The following TPH2 variants were observed in gnomAD, a reference collection of about 807,000 sequenced individuals.
The protein encoded by TPH2 is tryptophan hydroxylase 2.
Under a neutral mutation model 59.1 loss-of-function variants are expected in TPH2, and 27 were observed. That is an observed-to-expected ratio of 0.46 (90% CI 0.34 to 0.63). The LOEUF is 0.63. Ranked by LOEUF, TPH2 falls within the 30% of genes least tolerant of loss-of-function variation. The pLI is 0.01. For missense variants in TPH2, 523 were observed against 588.3 expected (o/e 0.89, Z 1.15); for synonymous variants, 220 against 210.5 (o/e 1.05, Z -0.39).
In TPH2 at chr12:71,979,043, C is replaced by T; in HGVS notation, c.897C>T (p.Thr299=). 2 of 1,614,116 alleles carry T rather than the reference C, an allele frequency of 1.2e-6. No homozygotes were observed. Among genetic ancestry groups the T allele is most frequent in the African/African-American group, 1.3e-5 (1 of 75,030 alleles). ...AGLAYRVFHC[T]QYIRHGSDPL... ...TGGCCTACAGAGTGTTCCACTGTAC[C>T]CAGTACATCCGGCATGGCTCAGATC... The change falls in exon 7 of 11, where the codon ACC becomes ACT. Residue 299 remains threonine, a synonymous_variant. Coordinates refer to ENST00000333850, the MANE Select transcript of TPH2 (RefSeq NM_173353.4).
chr12:71,958,952 T>G (rs958877582), intron 5 of TPH2, among the ~76,000 whole-genome samples: 1 of 152,206 alleles, frequency 6.6e-6, no homozygotes, highest in Non-Finnish European at 1.5e-5. Flanking sequence ...TCAATTTGGG[T>G]GAGCTTGTGA....
intron 7 of TPH2, among the ~76,000 whole-genome samples, chr12:71,992,522 T>G (rs906875162): frequency 1.3e-5 from 2 of 151,866 alleles, no homozygotes; most frequent in Non-Finnish European, 2.9e-5. Context: ...GAGGATCGCT[T>G]GAGCCCAGGA....
chr12:72,026,607 A>T (rs1486371192), intron 9 of TPH2, among the ~76,000 whole-genome samples: 1 of 152,130 alleles, frequency 6.6e-6, no homozygotes, highest in Non-Finnish European at 1.5e-5. Context: ...CCCTGTTCAG[A>T]TGACTTTCGA....
chr12:72,023,311 A>C (rs1873473923), intron 9 of TPH2, among the ~76,000 whole-genome samples: 8 of 152,176 alleles, frequency 5.3e-5, no homozygotes. Context: ...TATTTTGAGC[A>C]TTGATTATCC....
At chr12:72,011,689 T>C (rs1292105307) in intron 8 of TPH2, among the ~76,000 whole-genome samples, 1 of 152,162 alleles carries the variant, frequency 6.6e-6, no homozygotes, top group Non-Finnish European at 1.5e-5. Context: ...TCAGAATCAA[T>C]GGGTCTTCAG....
chr12:72,018,677 G>A (rs1362952186), intron 8 of TPH2, among the ~76,000 whole-genome samples: 1 of 152,196 alleles, frequency 6.6e-6, no homozygotes, highest in Non-Finnish European at 1.5e-5. Flanking sequence ...TCAATGTTAA[G>A]GCTCCAAGGA....
At position 72,028,806 on chromosome 12, in the gene TPH2, A is replaced by T. The variant is rs143564961; in HGVS notation, c.1165-2452A>T. On this transcript the variant is annotated intron_variant, in intron 9 of 10. Coordinates refer to ENST00000333850, the MANE Select transcript of TPH2 (RefSeq NM_173353.4). ...CCTGAGGGTAGGCTGCGTTTTTGAG[A>T]ACTTAAGACAATTAACTTCCAGTTT... Among the ~76,000 whole-genome samples, 241 of 152,224 alleles carry T rather than the reference A, an allele frequency of 1.6e-3. 4 individuals carry two copies. In the East Asian group the frequency reaches 0.018, roughly 11 times the overall value.
intron 8 of TPH2, among the ~76,000 whole-genome samples, chr12:72,010,010 G>A (rs1461843088): frequency 6.6e-6 from 1 of 152,164 alleles, no homozygotes; most frequent in African/African-American, 2.4e-5. Flanking sequence ...TGAAATGGGG[G>A]ATTTAGCACT....
At position 71,956,468 on chromosome 12, in the gene TPH2, C is replaced by A. The variant is rs190105825; in HGVS notation, c.608+6813C>A. On this transcript the variant is annotated intron_variant, in intron 5 of 10. Coordinates refer to ENST00000333850, the MANE Select transcript of TPH2 (RefSeq NM_173353.4). Reference sequence around the variant, plus strand: ...CCTTCCTCCCTTTCTTCCTTCCTTCCTTCCCTCCTTCCCTCCTTCCCTCCT... The same window carrying A: ...CCTTCCTCCCTTTCTTCCTTCCTTCATTCCCTCCTTCCCTCCTTCCCTCCT... 4.7e-3 allele frequency among the ~76,000 whole-genome samples: 548 copies of A among 117,686 alleles called. 4 individuals carry two copies. Among genetic ancestry groups the A allele is most frequent in the Non-Finnish European group, 6.7e-3 (375 of 55,994 alleles). 77.2% of individuals were successfully genotyped at this position (117,686 alleles called of 152,430 possible). A position where few individuals can be genotyped will look rare whatever the true frequency, so the allele number is the denominator to read the frequency against.
At chr12:71,999,148 G>A (rs1014578190) in intron 8 of TPH2, among the ~76,000 whole-genome samples, 1 of 152,116 alleles carries the variant, frequency 6.6e-6, no homozygotes, top group Non-Finnish European at 1.5e-5. Context: ...GATTTTCCGA[G>A]GTACTAGACT....
rs1555215556 is a variant in TPH2, at chr12:72,031,197, T to A, written c.1165-61T>A. 5.0e-6 allele frequency: 8 copies of A among 1,608,658 alleles called. No individual in the cohort carries two copies. The South Asian group carries it at 7.7e-5, about 15-fold the overall frequency. ...TATCAAATGTGTTGTAAAAATGTGA[T>A]GTCATGGAGCTTCGGAAGTCTCATT... On this transcript the variant is annotated intron_variant, in intron 9 of 10. Transcript: ENST00000333850.
At chr12:72,011,105 G>T (rs1873088419) in intron 8 of TPH2, among the ~76,000 whole-genome samples, 1 of 152,142 alleles carries the variant, frequency 6.6e-6, no homozygotes, top group Admixed American at 6.5e-5. Flanking sequence ...GTGAAGTTTA[G>T]CTATTTCAAG....
At chr12:71,979,325 G>A (rs182251187) in intron 7 of TPH2, among the ~76,000 whole-genome samples, 3 of 152,234 alleles carry the variant, frequency 2.0e-5, no homozygotes, top group Non-Finnish European at 2.9e-5. Context: ...CCAACACTGA[G>A]CCATCTGCTT....
At chr12:71,974,791 T>G (rs7300641) in intron 6 of TPH2, among the ~76,000 whole-genome samples, 114,739 of 152,044 alleles carry the variant, frequency 0.75, 43,915 homozygotes, top group Non-Finnish European at 0.82. Context: ...TCCAAATTGA[T>G]GTCCTCATCA....
intron 9 of TPH2, among the ~76,000 whole-genome samples, chr12:72,027,590 C>T (rs369893399): frequency 6.6e-6 from 1 of 152,140 alleles, no homozygotes; most frequent in African/African-American, 2.4e-5. Context: ...GTGTTCTTAA[C>T]CATAAAGACC....
At chr12:71,968,633 A>T (rs997702792) in intron 5 of TPH2, among the ~76,000 whole-genome samples, 1 of 152,222 alleles carries the variant, frequency 6.6e-6, no homozygotes, top group Non-Finnish European at 1.5e-5. Context: ...CACTTCTCGC[A>T]GGTGCGCTCT....
chr12:71,988,228 CT>C (rs1480154359), intron 7 of TPH2, among the ~76,000 whole-genome samples: 2 of 152,078 alleles, frequency 1.3e-5, no homozygotes, highest in Non-Finnish European at 2.9e-5. Flanking sequence ...TTACACTGAA[CT>C]TGGAGAGGTG....
At chr12:72,022,774 C>T (rs1056154991) in intron 9 of TPH2, among the ~76,000 whole-genome samples, 1 of 152,204 alleles carries the variant, frequency 6.6e-6, no homozygotes, top group Non-Finnish European at 1.5e-5. Context: ...TAACAAATGG[C>T]AGGCCTAAAT....
chr12:71,942,535 A>G (rs1871100359), intron 2 of TPH2, among the ~76,000 whole-genome samples: 1 of 152,188 alleles, frequency 6.6e-6, no homozygotes, highest in African/African-American at 2.4e-5. Flanking sequence ...GATAGCTGCA[A>G]TTGCAGTTAG....
Sources: allele counts gnomAD v4.1 joint callset (sites outside exome capture counted in the v4.1 genomes callset), GRCh38; gene constraint gnomAD v4.1.1; transcripts MANE v1.5; gene names NCBI Gene and HGNC (gene_info 2026-07-23, HGNC 2026-07-21).